Variants in PDZRN4 observed in about 807,000 individuals in gnomAD.
PDZRN4 encodes the protein PDZ domain containing ring finger 4, also known as PDZ domain-containing RING finger protein 4.
A neutral mutation model predicts 99.0 loss-of-function variants in PDZRN4; 70 were observed. The observed-to-expected ratio is 0.71, with a 90% CI of 0.58 to 0.86. PDZRN4 has a LOEUF of 0.86. Ranked by LOEUF, PDZRN4 falls within the 40% of genes least tolerant of loss-of-function variation. The pLI, the probability that PDZRN4 is intolerant of heterozygous loss-of-function variation, is 0.00. For missense variants in PDZRN4, 1,474 were observed against 1,331.2 expected (o/e 1.11, Z -1.67); for synonymous variants, 551 against 501.6 (o/e 1.10, Z -1.32).
intron 5 of PDZRN4, among the ~76,000 whole-genome samples, chr12:41,512,177 A>G (rs1938317554): frequency 6.6e-6 from 1 of 152,092 alleles, no homozygotes; most frequent in South Asian, 2.1e-4. Context: ...GCTTTCATTC[A>G]TTTGTACCAT....
At chr12:41,378,980 G>A (rs1952102608) in intron 3 of PDZRN4, among the ~76,000 whole-genome samples, 1 of 152,140 alleles carries the variant, frequency 6.6e-6, no homozygotes, top group African/African-American at 2.4e-5. Context: ...TAGTCTATCT[G>A]TTTTTCAAAG....
intron 3 of PDZRN4, among the ~76,000 whole-genome samples, chr12:41,341,038 G>A (rs1951812265): frequency 6.6e-6 from 1 of 151,958 alleles, no homozygotes; most frequent in Admixed American, 6.6e-5. Flanking sequence ...TTTATCCAGG[G>A]ATTCAAGGAT....
chr12:41,385,285 G>A (rs1236526216), intron 3 of PDZRN4, among the ~76,000 whole-genome samples: 1 of 152,196 alleles, frequency 6.6e-6, no homozygotes, highest in African/African-American at 2.4e-5. Flanking sequence ...GAATGAAGGA[G>A]GCAATGGACA....
chr12:41,244,685 TTTTTC>T (rs1178888606), intron 3 of PDZRN4, among the ~76,000 whole-genome samples: 1,884 of 25,794 alleles, frequency 0.073, 43 homozygotes, highest in East Asian at 0.24. Context: ...TTTTTTTTTT[TTTTTC>T]TTTTTGAGAC....
intron 3 of PDZRN4, among the ~76,000 whole-genome samples, chr12:41,331,560 G>C (rs984514708): frequency 9.2e-5 from 14 of 152,012 alleles, no homozygotes; most frequent in African/African-American, 3.1e-4. Context: ...TTTTAGATCT[G>C]GTTATTAAGG....
At chr12:41,284,190 AATTACTAGC>A (rs1168750729) in intron 3 of PDZRN4, among the ~76,000 whole-genome samples, 2 of 152,206 alleles carry the variant, frequency 1.3e-5, no homozygotes, top group Admixed American at 6.5e-5. Context: ...TGTGCAAAGA[AATTACTAGC>A]ATTCCTATAC....
At chr12:41,345,522 T>G (rs1339878306) in intron 3 of PDZRN4, among the ~76,000 whole-genome samples, 1 of 152,222 alleles carries the variant, frequency 6.6e-6, no homozygotes, top group East Asian at 1.9e-4. Context: ...AGTCATTTTC[T>G]GGGATTCCTC....
At chr12:41,473,118 C>A (rs1480534257) in intron 3 of PDZRN4, among the ~76,000 whole-genome samples, 1 of 151,710 alleles carries the variant, frequency 6.6e-6, no homozygotes, top group African/African-American at 2.4e-5. Context: ...TAAGTAAAGC[C>A]TTATGGAATA....
chr12:41,445,904 T>G (rs1440459692), intron 3 of PDZRN4, among the ~76,000 whole-genome samples: 1 of 152,120 alleles, frequency 6.6e-6, no homozygotes, highest in Non-Finnish European at 1.5e-5. Context: ...AGCTGTGTTT[T>G]CTATATCTAA....
intron 3 of PDZRN4, among the ~76,000 whole-genome samples, chr12:41,351,673 T>A (rs1193832135): frequency 1.3e-5 from 2 of 151,994 alleles, no homozygotes; most frequent in Admixed American, 6.6e-5. Flanking sequence ...TTCACCCTCA[T>A]GATTCAGTCA....
chr12:41,550,441 T>C (rs537395381), intron 5 of PDZRN4, among the ~76,000 whole-genome samples: 1 of 152,294 alleles, frequency 6.6e-6, no homozygotes, highest in East Asian at 1.9e-4. Flanking sequence ...TTGCTATAAT[T>C]CCTTCCTAAT....
intron 3 of PDZRN4, among the ~76,000 whole-genome samples, chr12:41,452,300 G>A (rs111622972): frequency 0.019 from 2,947 of 151,306 alleles, 95 homozygotes; most frequent in African/African-American, 0.066. Flanking sequence ...TTAGCCAGTC[G>A]TGGTGGCGGG....
At chr12:41,194,428 A>G (rs1306392623) in intron 3 of PDZRN4, among the ~76,000 whole-genome samples, 3 of 152,106 alleles carry the variant, frequency 2.0e-5, no homozygotes, top group African/African-American at 7.2e-5. Context: ...TGAGCTTAGG[A>G]GTTCGAGACC....
At chr12:41,310,877 C>T (rs1220246770) in intron 3 of PDZRN4, among the ~76,000 whole-genome samples, 1 of 151,850 alleles carries the variant, frequency 6.6e-6, no homozygotes, top group Non-Finnish European at 1.5e-5. Flanking sequence ...TTTGTATGTT[C>T]GTAAAGTTCA....
intron 9 of PDZRN4, among the ~76,000 whole-genome samples, chr12:41,569,038 G>A (rs1373618905): frequency 3.3e-5 from 5 of 151,624 alleles, no homozygotes; most frequent in South Asian, 4.2e-4. Flanking sequence ...CTCTGACCTC[G>A]TGATCCACCT....
chr12:41,319,400 G>C (rs910170733), intron 3 of PDZRN4, among the ~76,000 whole-genome samples: 2 of 152,096 alleles, frequency 1.3e-5, no homozygotes, highest in Admixed American at 1.3e-4. Context: ...CGTGAGCTAG[G>C]TCACTGGGGG....
At chr12:41,506,429 A>G (rs781071387) in intron 3 of PDZRN4, 27 bp from the exon 4 acceptor site, 2 of 1,573,880 alleles carry the variant, frequency 1.3e-6, no homozygotes, top group East Asian at 4.5e-5. Context: ...TTCCTCTGAG[A>G]TGAACAATGT....
chr12:41,431,741 G>C (rs777158598), intron 3 of PDZRN4, among the ~76,000 whole-genome samples: 26 of 152,160 alleles, frequency 1.7e-4, no homozygotes, highest in Non-Finnish European at 3.7e-4. Context: ...CATTCTGCAA[G>C]CAATAACTAA....
At chr12:41,233,040 G>A (rs540469110) in intron 3 of PDZRN4, among the ~76,000 whole-genome samples, 5 of 152,016 alleles carry the variant, frequency 3.3e-5, no homozygotes, top group Admixed American at 3.3e-4. Context: ...CTCTGTTTTG[G>A]TACCAGTACC....
Sources: allele counts gnomAD v4.1 joint callset (sites outside exome capture counted in the v4.1 genomes callset), GRCh38; gene constraint gnomAD v4.1.1; transcripts MANE v1.5; gene names NCBI Gene and HGNC (gene_info 2026-07-23, HGNC 2026-07-21).